RALY: variants seen among roughly 807,000 people sequenced by gnomAD.
The protein encoded by RALY is RALY heterogeneous nuclear ribonucleoprotein.
Under a neutral mutation model 30.7 loss-of-function variants are expected in RALY, and 15 were observed. The observed-to-expected ratio is 0.49, with a 90% CI of 0.33 to 0.75. RALY has a LOEUF of 0.75. RALY is among the 30% of genes least tolerant of loss of function. The pLI, the probability that RALY is intolerant of heterozygous loss-of-function variation, is 0.02. For missense variants in RALY, 339 were observed against 414.3 expected (o/e 0.82, Z 1.58); for synonymous variants, 177 against 170.8 (o/e 1.04, Z -0.28).
At chr20:34,076,918 C>G (rs904097861) in intron 7 of RALY, 103 bp downstream of exon 7, 1 of 1,592,796 alleles carries the variant, frequency 6.3e-7, no homozygotes, top group Admixed American at 1.7e-5. Flanking sequence ...CCTGCAGATC[C>G]TGGACCACCT....
intron 2 of RALY, among the ~76,000 whole-genome samples, chr20:34,033,841 T>G (rs986150757): frequency 6.6e-6 from 1 of 152,138 alleles, no homozygotes; most frequent in African/African-American, 2.4e-5. Flanking sequence ...CTTTGGAAAT[T>G]TTCACTGTAA....
chr20:34,079,069 G>A (rs148812313), intron 9 of RALY, among the ~76,000 whole-genome samples: 2 of 152,302 alleles, frequency 1.3e-5, no homozygotes, highest in Non-Finnish European at 2.9e-5. Context: ...CCCCCTAGTT[G>A]GTAGAGGACT....
chr20:34,074,007 C>T (rs1355630344), intron 5 of RALY, 141 bp downstream of exon 5: 1 of 869,726 alleles, frequency 1.1e-6, no homozygotes, highest in Non-Finnish European at 1.8e-6. Flanking sequence ...CAGTCGGTAG[C>T]AGAGCTGAGA....
chr20:34,051,305 A>G (rs1485782925), intron 2 of RALY, among the ~76,000 whole-genome samples: 1 of 152,144 alleles, frequency 6.6e-6, no homozygotes, highest in African/African-American at 2.4e-5. Flanking sequence ...AGAGCCCAAA[A>G]CAGAACCAAG....
intron 2 of RALY, among the ~76,000 whole-genome samples, chr20:34,038,617 C>CA (rs752679253): frequency 8.5e-5 from 13 of 152,092 alleles, no homozygotes; most frequent in Non-Finnish European, 1.8e-4. Flanking sequence ...GTACATAGGG[C>CA]AAGAGGTAAA....
intron 2 of RALY, among the ~76,000 whole-genome samples, chr20:34,060,811 G>A (rs1276155778): frequency 1.3e-5 from 2 of 152,182 alleles, no homozygotes; most frequent in African/African-American, 4.8e-5. Flanking sequence ...TATGCTGAAA[G>A]AAAACACTAC....
chr20:33,997,457 A>T (rs2030694984), intron 1 of RALY, among the ~76,000 whole-genome samples: 1 of 151,816 alleles, frequency 6.6e-6, no homozygotes, highest in Non-Finnish European at 1.5e-5. Flanking sequence ...CCCCACCCTC[A>T]CCTTGTTTGC....
At chr20:34,010,797 A>G (rs974878103) in intron 1 of RALY, among the ~76,000 whole-genome samples, 1 of 152,182 alleles carries the variant, frequency 6.6e-6, no homozygotes, top group Non-Finnish European at 1.5e-5. Context: ...TCTTCCTCTT[A>G]TAGGTCTGGA....
At chr20:34,004,456 C>T (rs533151063) in intron 1 of RALY, among the ~76,000 whole-genome samples, 3 of 152,308 alleles carry the variant, frequency 2.0e-5, no homozygotes, top group African/African-American at 7.2e-5. Flanking sequence ...GGTGATTAGG[C>T]TGCAGAGATG....
intron 1 of RALY, among the ~76,000 whole-genome samples, chr20:34,000,245 A>G (rs1242361268): frequency 6.6e-6 from 1 of 152,114 alleles, no homozygotes; most frequent in Non-Finnish European, 1.5e-5. Context: ...AAGTCTTGTC[A>G]CTAGCCTGAG....
At chr20:34,058,755 G>T (rs752467744) in intron 2 of RALY, among the ~76,000 whole-genome samples, 6 of 152,078 alleles carry the variant, frequency 3.9e-5, no homozygotes, top group Middle Eastern at 3.2e-3. Flanking sequence ...AACCCACTAG[G>T]GTTTACTCAT....
At chr20:34,056,454 G>T (rs140042953) in intron 2 of RALY, among the ~76,000 whole-genome samples, 2 of 152,300 alleles carry the variant, frequency 1.3e-5, no homozygotes, top group East Asian at 3.9e-4. Context: ...GTTTTCTTGA[G>T]GTTTTCACCA....
intron 2 of RALY, among the ~76,000 whole-genome samples, chr20:34,045,964 G>A (rs544120879): frequency 2.1e-4 from 32 of 152,202 alleles, no homozygotes; most frequent in East Asian, 7.7e-4. Context: ...AGTTTCCAGC[G>A]GAAGGGAATC....
At chr20:34,017,521 G>C (rs1054534) in intron 1 of RALY, 79,667 of 152,116 alleles carry the variant, frequency 0.52, 23,039 homozygotes, top group South Asian at 0.75. Flanking sequence ...GCAGGTGCAG[G>C]GGGTGGAGAG....
At chr20:34,071,396 G>C (rs2122284572) in intron 2 of RALY, among the ~76,000 whole-genome samples, 1 of 151,900 alleles carries the variant, frequency 6.6e-6, no homozygotes, top group African/African-American at 2.4e-5. Context: ...TCCTGCCTCA[G>C]CCTCCCGAGT....
intron 3 of RALY, among the ~76,000 whole-genome samples, chr20:34,072,643 C>T (rs887576146): frequency 2.6e-5 from 4 of 152,124 alleles, no homozygotes; most frequent in Admixed American, 6.5e-5. Flanking sequence ...CCTGTTACAC[C>T]GGGTACAGAT....
intron 9 of RALY, among the ~76,000 whole-genome samples, 155 bp from the exon 10 acceptor site, chr20:34,079,755 G>A (rs1379189682): frequency 6.6e-6 from 1 of 152,184 alleles, no homozygotes; most frequent in Non-Finnish European, 1.5e-5. Context: ...CTTGCCCAAG[G>A]TTACATGGCC....
intron 1 of RALY, among the ~76,000 whole-genome samples, chr20:33,996,440 A>G (rs2030634306): frequency 6.6e-6 from 1 of 152,192 alleles, no homozygotes; most frequent in Non-Finnish European, 1.5e-5. Context: ...TGAGGACTTT[A>G]TGGACTATAT....
At chr20:34,071,382 A>G (rs932956980) in intron 2 of RALY, among the ~76,000 whole-genome samples, 2 of 150,806 alleles carry the variant, frequency 1.3e-5, no homozygotes, top group Non-Finnish European at 1.5e-5. Flanking sequence ...GGTTCAAGCA[A>G]TTTTCCTGCC....
Sources: allele counts gnomAD v4.1 joint callset (sites outside exome capture counted in the v4.1 genomes callset), GRCh38; gene constraint gnomAD v4.1.1; transcripts MANE v1.5; gene names NCBI Gene and HGNC (gene_info 2026-07-23, HGNC 2026-07-21).